DDX10: variants seen among roughly 807,000 people sequenced by gnomAD.
The protein encoded by DDX10 is probable ATP-dependent RNA helicase DDX10.
In DDX10, 74 loss-of-function variants were observed where a neutral mutation model predicts 104.3. The ratio of observed to expected loss-of-function variants is 0.71; its 90% CI spans 0.59 to 0.86. DDX10 has a LOEUF of 0.86. Among genes scored for constraint, DDX10 ranks in the 40% least tolerant of loss-of-function variants. The pLI is 0.00. For synonymous variants in DDX10, 351 were observed against 353.4 expected (o/e 0.99, Z 0.08); for missense variants, 952 against 1,040.0 (o/e 0.92, Z 1.16).
intron 16 of DDX10, among the ~76,000 whole-genome samples, chr11:108,872,829 C>G (rs1391763959): frequency 6.6e-6 from 1 of 150,992 alleles, no homozygotes; most frequent in Admixed American, 6.6e-5. Flanking sequence ...TTCCCCCCCC[C>G]TCCCATTTCC....
intron 17 of DDX10, among the ~76,000 whole-genome samples, chr11:108,925,523 A>C (rs1374049119): frequency 6.6e-6 from 1 of 152,174 alleles, no homozygotes; most frequent in Non-Finnish European, 1.5e-5. Flanking sequence ...TTCACTGAAA[A>C]GACCTTTGTG....
intron 13 of DDX10, among the ~76,000 whole-genome samples, chr11:108,792,455 A>G (rs948162529): frequency 2.0e-5 from 3 of 152,204 alleles, no homozygotes; most frequent in African/African-American, 7.2e-5. Flanking sequence ...GTGAAGTTTC[A>G]AAGTTCATTT....
chr11:108,919,361 T>C (rs1863793321), intron 17 of DDX10: 1 of 152,232 alleles, frequency 6.6e-6, no homozygotes, highest in African/African-American at 2.4e-5. Flanking sequence ...TTAAATAATT[T>C]AGGTTCTGGG....
intron 10 of DDX10, among the ~76,000 whole-genome samples, chr11:108,713,355 T>C (rs2134467269): frequency 6.6e-6 from 1 of 152,314 alleles, no homozygotes; most frequent in East Asian, 1.9e-4. Context: ...TCCATAGTCC[T>C]TGAAGTTCTG....
chr11:108,774,006 T>C (rs185606198), intron 13 of DDX10, among the ~76,000 whole-genome samples: 1 of 152,266 alleles, frequency 6.6e-6, no homozygotes, highest in East Asian at 1.9e-4. Flanking sequence ...GCTGCATACA[T>C]GAAATCACTT....
chr11:108,808,212 T>A (rs1862126558), intron 13 of DDX10, among the ~76,000 whole-genome samples: 1 of 152,166 alleles, frequency 6.6e-6, no homozygotes, highest in Non-Finnish European at 1.5e-5. Context: ...TGCGGAGTTT[T>A]TTTTACAAAT....
At chr11:108,789,639 ACTT>A (rs1861843756) in intron 13 of DDX10, among the ~76,000 whole-genome samples, 1 of 152,174 alleles carries the variant, frequency 6.6e-6, no homozygotes, top group African/African-American at 2.4e-5. Flanking sequence ...CTGAAGTTCT[ACTT>A]CTTGTTTATA....
intron 17 of DDX10, among the ~76,000 whole-genome samples, chr11:108,936,896 C>T (rs953399276): frequency 1.3e-5 from 2 of 152,108 alleles, no homozygotes; most frequent in Non-Finnish European, 2.9e-5. Flanking sequence ...AAAGATTGTG[C>T]CCATTCACTT....
At chr11:108,690,778 AG>A in intron 7 of DDX10, 1 of 255,302 alleles carries the variant, frequency 3.9e-6, no homozygotes, top group Non-Finnish European at 7.9e-6. Flanking sequence ...GATCTCCTCC[AG>A]GGACTTGGTC....
In DDX10 at chr11:108,665,102, C is replaced by G. The variant is rs1343426498; in HGVS notation, c.-52C>G. 1.7e-5 allele frequency: 27 copies of G among 1,549,928 alleles called. No individual in the cohort carries two copies. Among genetic ancestry groups the G allele is most frequent in the Non-Finnish European group, 2.3e-5 (26 of 1,153,274 alleles). On this transcript the variant is annotated 5_prime_UTR_variant, in exon 1 of 18. Coordinates refer to ENST00000322536, the MANE Select transcript of DDX10 (RefSeq NM_004398.4). The stretch of plus-strand genomic sequence containing the variant: ...CCCATGCTGGTTCCGTGAGTCTGGC[C>G]TTAGGTGTCTCGTGTCTGGGGTTGA...
chr11:108,885,102 C>G (rs897733127), intron 16 of DDX10, among the ~76,000 whole-genome samples: 6 of 152,140 alleles, frequency 3.9e-5, no homozygotes, highest in South Asian at 4.1e-4. Context: ...GTTTAATACT[C>G]TTTGTCACAT....
chr11:108,728,912 A>G (rs1017418571), intron 13 of DDX10, among the ~76,000 whole-genome samples: 1 of 152,134 alleles, frequency 6.6e-6, no homozygotes, highest in Non-Finnish European at 1.5e-5. Context: ...ATGGTTGCCT[A>G]ATATGCCATT....
chr11:108,932,284 T>A (rs1427525349), intron 17 of DDX10, among the ~76,000 whole-genome samples: 3 of 151,982 alleles, frequency 2.0e-5, no homozygotes, highest in African/African-American at 7.3e-5. Context: ...TTTAAAGTCT[T>A]GGTTGAAAGC....
chr11:108,909,767 C>T (rs970056508), intron 16 of DDX10, among the ~76,000 whole-genome samples: 3 of 152,074 alleles, frequency 2.0e-5, no homozygotes, highest in Non-Finnish European at 4.4e-5. Context: ...TATTGTTGGG[C>T]ACCTGTTGGT....
At chr11:108,671,967 A>G (rs982214941) in intron 1 of DDX10, among the ~76,000 whole-genome samples, 1 of 149,012 alleles carries the variant, frequency 6.7e-6, no homozygotes, top group African/African-American at 2.5e-5. Flanking sequence ...AGGCTGAGGC[A>G]GGAGAATGGC....
At chr11:108,722,923 G>T in intron 12 of DDX10, 74 bp from the exon 13 acceptor site, 1 of 1,482,826 alleles carries the variant, frequency 6.7e-7, no homozygotes. Context: ...CTGCTCTTGA[G>T]AAACTCTTCT....
At chr11:108,792,550 G>C (rs947720881) in intron 13 of DDX10, among the ~76,000 whole-genome samples, 1 of 152,080 alleles carries the variant, frequency 6.6e-6, no homozygotes, top group Non-Finnish European at 1.5e-5. Context: ...GGTACCTTTA[G>C]AAATAAGTTT....
chr11:108,730,309 T>C (rs889979426), intron 13 of DDX10, among the ~76,000 whole-genome samples: 2 of 152,202 alleles, frequency 1.3e-5, no homozygotes, highest in East Asian at 3.9e-4. Context: ...TAGACAGGTT[T>C]TCCCTTATGA....
At chr11:108,673,432 A>G in intron 1 of DDX10, 35 bp from the exon 2 acceptor site, 1 of 1,431,404 alleles carries the variant, frequency 7.0e-7, no homozygotes, top group Non-Finnish European at 9.8e-7. Context: ...CGTGAAACAA[A>G]TGAGTTACCC....
Sources: gnomAD v4.1 joint callset for allele counts (sites outside exome capture counted in the v4.1 genomes callset) on GRCh38, gnomAD v4.1.1 for gene constraint, MANE v1.5 for transcripts, NCBI Gene and HGNC (gene_info 2026-07-23, HGNC 2026-07-21) for gene names.